EYA4: variants seen among roughly 807,000 people sequenced by gnomAD.
EYA4 encodes protein phosphatase EYA4.
A neutral mutation model predicts 87.9 loss-of-function variants in EYA4; 31 were observed. The ratio of observed to expected loss-of-function variants is 0.35; its 90% CI spans 0.27 to 0.48. The LOEUF (loss-of-function observed/expected upper bound fraction) is 0.48. EYA4 is among the 20% of genes least tolerant of loss of function. The pLI is 0.99. For missense variants in EYA4, 678 were observed against 761.4 expected (o/e 0.89, Z 1.29); for synonymous variants, 263 against 270.6 (o/e 0.97, Z 0.28).
intron 2 of EYA4, among the ~76,000 whole-genome samples, chr6:133,323,516 C>T (rs1339786898): frequency 6.6e-6 from 1 of 152,082 alleles, no homozygotes; most frequent in Non-Finnish European, 1.5e-5. Context: ...GATCGATTGT[C>T]AAATCCAGCT....
chr6:133,330,557 A>AT (rs2128381928), intron 2 of EYA4, among the ~76,000 whole-genome samples: 1 of 57,244 alleles, frequency 1.7e-5, no homozygotes, highest in South Asian at 7.2e-4. Flanking sequence ...ATTTATATAT[A>AT]TATATATATA....
chr6:133,401,892 T>C (rs1445164026), intron 3 of EYA4, among the ~76,000 whole-genome samples: 1 of 152,174 alleles, frequency 6.6e-6, no homozygotes, highest in East Asian at 1.9e-4. Context: ...CTCTCTCTAA[T>C]ACCAGAAACT....
chr6:133,490,244 G>C (rs554037648), intron 13 of EYA4, among the ~76,000 whole-genome samples: 1 of 151,884 alleles, frequency 6.6e-6, no homozygotes, highest in South Asian at 2.1e-4. Flanking sequence ...AGGAAGACAA[G>C]AAGAAGGAAG....
chr6:133,308,626 G>GT (rs370139213), intron 2 of EYA4, among the ~76,000 whole-genome samples: 93 of 152,262 alleles, frequency 6.1e-4, no homozygotes, highest in African/African-American at 2.2e-3. Flanking sequence ...CCACTTGTAA[G>GT]TGACAGTATT....
chr6:133,426,738 G>A (rs1229040579), intron 3 of EYA4, among the ~76,000 whole-genome samples: 3 of 152,028 alleles, frequency 2.0e-5, no homozygotes, highest in Admixed American at 6.6e-5. Flanking sequence ...CTTGTGTGCC[G>A]GTGCTCACAT....
chr6:133,389,228 A>C (rs1283396863), intron 3 of EYA4, among the ~76,000 whole-genome samples: 1 of 152,202 alleles, frequency 6.6e-6, no homozygotes, highest in African/African-American at 2.4e-5. Flanking sequence ...GTGATATGAA[A>C]GGAGAGATTG....
chr6:133,394,528 A>G lies in EYA4; in HGVS notation c.83+12087A>G, dbSNP rs181862832. Among the ~76,000 whole-genome samples the G allele has an allele frequency of 5.7e-4, 86 of 152,060 alleles. 1 individual carries two copies. The highest frequency in any genetic ancestry group is 1.9e-3 in the African/African-American group (79 of 41,506). ...GACTTGATGGCAAACTCAATTGTCT[A>G]GCAAACCTCACCCATACAGACATAT... On this transcript the variant is annotated intron_variant, in intron 3 of 19. Coordinates refer to ENST00000355286, the MANE Select transcript of EYA4 (RefSeq NM_004100.5).
intron 13 of EYA4, among the ~76,000 whole-genome samples, chr6:133,504,373 A>T (rs1562496045): frequency 6.6e-6 from 1 of 152,366 alleles, no homozygotes; most frequent in East Asian, 1.9e-4. Context: ...TAATACCAGG[A>T]GGCCATCAGA....
chr6:133,444,751 C>T (rs1792640755), intron 3 of EYA4, among the ~76,000 whole-genome samples: 1 of 152,144 alleles, frequency 6.6e-6, no homozygotes, highest in African/African-American at 2.4e-5. Flanking sequence ...TAGAAAGCTA[C>T]CAGTTGGTAA....
intron 2 of EYA4, among the ~76,000 whole-genome samples, chr6:133,294,212 A>T (rs546450019): frequency 4.2e-4 from 63 of 150,614 alleles, no homozygotes; most frequent in African/African-American, 1.5e-3. Context: ...CAGGTAGGCT[A>T]CTCACAGGCT....
rs922559294 is a variant in EYA4 at position 133,518,948 on chromosome 6, C to T, written c.1616+3513C>T. Among the ~76,000 whole-genome samples the T allele has an allele frequency of 3.3e-5, 5 of 150,250 alleles. No individual in the cohort carries two copies. In the South Asian group the frequency reaches 6.4e-4, roughly 19 times the overall value. ...AAATAAAGATGTTCTTTGAAACCAA[C>T]GAGAACAAAGACACAACATACCAGA... On this transcript the variant is annotated intron_variant, in intron 17 of 19. Coordinates refer to ENST00000355286, the MANE Select transcript of EYA4 (RefSeq NM_004100.5).
chr6:133,422,324 A>G (rs1205787812), intron 3 of EYA4, among the ~76,000 whole-genome samples: 5 of 152,208 alleles, frequency 3.3e-5, no homozygotes, highest in African/African-American at 9.7e-5. Flanking sequence ...TTCAGAAACA[A>G]TATATAATAT....
At chr6:133,517,316 C>A (rs1799684416) in intron 17 of EYA4, among the ~76,000 whole-genome samples, 1 of 151,728 alleles carries the variant, frequency 6.6e-6, no homozygotes, top group Admixed American at 6.6e-5. Context: ...GTACAACAAC[C>A]CCCCATGACA....
chr6:133,241,253 G>C (rs953503764), upstream of EYA4: 1 of 151,884 alleles, frequency 6.6e-6, no homozygotes, highest in Non-Finnish European at 1.5e-5. Flanking sequence ...GCGGCCTCAC[G>C]AGCCCGCAGT....
chr6:133,382,017 T>A (rs556803966), intron 2 of EYA4, among the ~76,000 whole-genome samples: 4 of 152,318 alleles, frequency 2.6e-5, no homozygotes, highest in East Asian at 1.9e-4. Context: ...TGGTGTTTAT[T>A]ATTATGTGCT....
chr6:133,306,987 C>G (rs1015269749), intron 2 of EYA4, among the ~76,000 whole-genome samples: 5 of 152,158 alleles, frequency 3.3e-5, no homozygotes, highest in African/African-American at 1.2e-4. Flanking sequence ...AGTGTTATAA[C>G]CAAAACAAAT....
intron 17 of EYA4, among the ~76,000 whole-genome samples, 177 bp downstream of exon 17, chr6:133,515,612 T>A (rs147693178): frequency 3.8e-4 from 46 of 121,728 alleles, no homozygotes; most frequent in East Asian, 1.5e-3. Context: ...AGAGAGAGAG[T>A]GTGTGTGTGA....
intron 1 of EYA4, among the ~76,000 whole-genome samples, chr6:133,267,933 A>G (rs1776360665): frequency 2.0e-5 from 3 of 152,180 alleles, no homozygotes; most frequent in Non-Finnish European, 2.9e-5. Context: ...TAAAAATATT[A>G]GAAAATGACA....
At chr6:133,492,542 G>T (rs563852008) in intron 13 of EYA4, among the ~76,000 whole-genome samples, 1 of 152,174 alleles carries the variant, frequency 6.6e-6, no homozygotes, top group Non-Finnish European at 1.5e-5. Flanking sequence ...CTAAGATCTG[G>T]AGCAGAACAA....
Sources: allele counts gnomAD v4.1 joint callset (sites outside exome capture counted in the v4.1 genomes callset), GRCh38; gene constraint gnomAD v4.1.1; transcripts MANE v1.5; gene names NCBI Gene and HGNC (gene_info 2026-07-23, HGNC 2026-07-21).